FAM53A: variants seen among roughly 807,000 people sequenced by gnomAD.
FAM53A encodes the protein family with sequence similarity 53 member A, also known as protein FAM53A.
Under a neutral mutation model 26.6 loss-of-function variants are expected in FAM53A, and 28 were observed. The observed-to-expected ratio is 1.05, with a 90% confidence interval of 0.78 to 1.45. FAM53A has a LOEUF of 1.45. Ranked by LOEUF, FAM53A falls within the 40% of genes most tolerant of loss-of-function variation. The pLI is 0.00. For synonymous variants in FAM53A, 290 were observed against 253.1 expected (o/e 1.15, Z -1.38); for missense variants, 650 against 575.8 (o/e 1.13, Z -1.32).
rs1161965198 is a variant in FAM53A at position 1,684,288 on chromosome 4, C to T, written c.-220G>A. ...AAGACTGCCGGCCGCCCAGGCCCCG[C>T]TCGCTCAGGGCGACGCGCCTCAGCC... On this transcript the variant is annotated 5_prime_UTR_variant, in exon 1 of 5. Coordinates refer to ENST00000308132, the MANE Select transcript of FAM53A (RefSeq NM_001174070.3). The T allele has an allele frequency of 6.6e-6, 1 of 151,022 alleles. No homozygotes were observed. The highest frequency in any genetic ancestry group is 2.4e-5 in the African/African-American group (1 of 41,200). The allele number at this position is 151,022 out of a possible 1,614,324, so 9.4% of individuals were successfully genotyped here.
At chr4:1,650,822 G>A (rs1336397404) in intron 4 of FAM53A, among the ~76,000 whole-genome samples, 1 of 151,708 alleles carries the variant, frequency 6.6e-6, no homozygotes, top group Non-Finnish European at 1.5e-5. Context: ...TAACACAGGT[G>A]TGAAGTTTGA....
intron 1 of FAM53A, among the ~76,000 whole-genome samples, chr4:1,623,179 C>T (rs140416060): frequency 1.3e-5 from 2 of 152,214 alleles, no homozygotes; most frequent in South Asian, 4.1e-4. Context: ...AGGGCCCTGG[C>T]ATGCCCGCTC....
chr4:1,632,981 CGCAG>C (rs1241271363), intron 1 of FAM53A, among the ~76,000 whole-genome samples: 1 of 152,210 alleles, frequency 6.6e-6, no homozygotes, highest in African/African-American at 2.4e-5. Context: ...ACAGGGCGCA[CGCAG>C]GCATAGGTAC....
At chr4:1,580,811 A>C in the FAM53A span, among the ~76,000 whole-genome samples, 31 of 44,272 alleles carry the variant, frequency 7.0e-4, no homozygotes, top group South Asian at 2.8e-3. Context: ...CTCCCACTCA[A>C]GGCCCCGCCT....
chr4:1,631,630 G>C (rs1458913021), intron 1 of FAM53A, among the ~76,000 whole-genome samples: 1 of 152,136 alleles, frequency 6.6e-6, no homozygotes, highest in East Asian at 1.9e-4. Flanking sequence ...CAGAGAAAGA[G>C]AGTGGGGAGA....
chr4:1,652,846 ACAC>A, intron 4 of FAM53A, among the ~76,000 whole-genome samples: 1 of 147,234 alleles, frequency 6.8e-6, no homozygotes. Context: ...CACACGCTAC[ACAC>A]CACACAGCAC....
chr4:1,651,195 A>G (rs1448159916), intron 4 of FAM53A, among the ~76,000 whole-genome samples: 1 of 147,324 alleles, frequency 6.8e-6, no homozygotes, highest in Non-Finnish European at 1.5e-5. Context: ...ATTGCTCACC[A>G]GCCTGGGACA....
At chr4:1,649,471 A>G (rs947178888) in intron 4 of FAM53A, among the ~76,000 whole-genome samples, 1 of 152,216 alleles carries the variant, frequency 6.6e-6, no homozygotes, top group African/African-American at 2.4e-5. Context: ...GTGGAGCCCG[A>G]TCCTCCTCCC....
At chr4:1,636,280 C>T (rs1190413053), downstream of FAM53A, among the ~76,000 whole-genome samples, 1 of 152,224 alleles carries the variant, frequency 6.6e-6, no homozygotes, top group Non-Finnish European at 1.5e-5. Flanking sequence ...AGACACCCCT[C>T]CGCTCAAGCC....
chr4:1,626,085 CCT>C (rs1715287165), intron 1 of FAM53A, among the ~76,000 whole-genome samples: 1 of 152,166 alleles, frequency 6.6e-6, no homozygotes, highest in African/African-American at 2.4e-5. Flanking sequence ...GGTGTGAGCC[CCT>C]GCCGTCCTTC....
At chr4:1,606,399 C>T in the FAM53A span, among the ~76,000 whole-genome samples, 2 of 152,040 alleles carry the variant, frequency 1.3e-5, no homozygotes, top group Non-Finnish European at 2.9e-5. Context: ...ACTCCCCACC[C>T]CTCCACGGTA....
chr4:1,604,229 G>C, the FAM53A span, among the ~76,000 whole-genome samples: 1 of 152,200 alleles, frequency 6.6e-6, no homozygotes, highest in Non-Finnish European at 1.5e-5. Flanking sequence ...AAGAAGGCTC[G>C]AGGCTGCCGC....
chr4:1,638,074 T>C (rs941968539), downstream of FAM53A, among the ~76,000 whole-genome samples: 5 of 151,450 alleles, frequency 3.3e-5, no homozygotes, highest in Non-Finnish European at 7.4e-5. Context: ...CAGCAGCCTC[T>C]CTCCATCCCC....
intron 1 of FAM53A, among the ~76,000 whole-genome samples, chr4:1,682,865 A>G (rs1715548602): frequency 6.6e-6 from 1 of 152,240 alleles, no homozygotes; most frequent in African/African-American, 2.4e-5. Flanking sequence ...TGTGGTCCCC[A>G]CGTGCAATCT....
chr4:1,602,508 C>G, the FAM53A span, among the ~76,000 whole-genome samples: 2 of 152,212 alleles, frequency 1.3e-5, no homozygotes, highest in Non-Finnish European at 2.9e-5. Flanking sequence ...ACAGGTGACC[C>G]GAGAGATATC....
At chr4:1,607,015 G>A in the FAM53A span, among the ~76,000 whole-genome samples, 1 of 152,140 alleles carries the variant, frequency 6.6e-6, no homozygotes, top group Non-Finnish European at 1.5e-5. Context: ...CCACTTTCTG[G>A]GTTTTTTGTT....
At chr4:1,638,161 G>T (rs547376100), downstream of FAM53A, among the ~76,000 whole-genome samples, 1 of 151,688 alleles carries the variant, frequency 6.6e-6, no homozygotes, top group Non-Finnish European at 1.5e-5. Context: ...GACCCTGCAG[G>T]GCCAACCAAG....
At chr4:1,585,522 G>A in the FAM53A span, among the ~76,000 whole-genome samples, 1 of 151,938 alleles carries the variant, frequency 6.6e-6, no homozygotes, top group Non-Finnish European at 1.5e-5. Flanking sequence ...GGCCTCAAAT[G>A]ATCTGCCTGC....
In FAM53A at chr4:1,652,361, C is replaced by T. The variant is rs559600215; in HGVS notation, c.882+2617G>A. Among the ~76,000 whole-genome samples, 116 of 146,584 alleles carry T rather than the reference C, an allele frequency of 7.9e-4. 1 individual carries two copies. The highest frequency in any genetic ancestry group is 1.7e-3 in the African/African-American group (67 of 39,466). Reference sequence around the variant, plus strand: ...CGCTATACACACACCACACGTCACACGCACAACACACACAACACACATCAC... The same window carrying T: ...CGCTATACACACACCACACGTCACATGCACAACACACACAACACACATCAC... On this transcript the variant is annotated intron_variant, in intron 4 of 4. Coordinates refer to ENST00000308132, the MANE Select transcript of FAM53A (RefSeq NM_001174070.3).
Sources: allele counts gnomAD v4.1 joint callset (sites outside exome capture counted in the v4.1 genomes callset), GRCh38; gene constraint gnomAD v4.1.1; transcripts MANE v1.5; gene names NCBI Gene and HGNC (gene_info 2026-07-23, HGNC 2026-07-21).